SCAF4: variants seen among roughly 807,000 people sequenced by gnomAD.
SCAF4 encodes the protein SR-related and CTD-associated factor 4.
A neutral mutation model predicts 129.8 loss-of-function variants in SCAF4; 25 were observed. The observed-to-expected ratio is 0.19, with a 90% CI of 0.14 to 0.27. The LOEUF is 0.27. Among genes scored for constraint, SCAF4 ranks in the 10% least tolerant of loss-of-function variants. The pLI is 1.00. For missense variants in SCAF4, 1,246 were observed against 1,457.1 expected, an observed-to-expected ratio of 0.86 and a Z score of 2.36; for synonymous variants, 551 against 497.7, an observed-to-expected ratio of 1.11 and a Z score of -1.43.
chr21:31,732,053 CCT>C lies in SCAF4; in HGVS notation c.-363_-362del. 2 of 424,436 alleles carry C rather than the reference CCT, an allele frequency of 4.7e-6. No individual in the cohort carries two copies. The highest frequency in any genetic ancestry group is 3.6e-5 in the East Asian group (1 of 27,918). The allele number at this position is 424,436 out of a possible 1,614,324, so 26.3% of individuals were successfully genotyped here. Reference sequence around the variant, plus strand: ...CTGGCCCGGCCGGCGAGCGGGCGGGCCTCTCTCTCCCTCTCTCCAGCGGGATG... The same window carrying C: ...CTGGCCCGGCCGGCGAGCGGGCGGGCCTCTCTCCCTCTCTCCAGCGGGATG... On this transcript the variant is annotated 5_prime_UTR_variant, in exon 1 of 20. Transcript: ENST00000286835.
At chr21:31,723,881 T>C (rs929985271) in intron 1 of SCAF4, among the ~76,000 whole-genome samples, 2 of 152,118 alleles carry the variant, frequency 1.3e-5, no homozygotes, top group African/African-American at 4.8e-5. Flanking sequence ...CAAGAGGTAT[T>C]TGGATGGCCA....
At chr21:31,713,756 T>TGGGGGGGGGGGGGGG in intron 1 of SCAF4, among the ~76,000 whole-genome samples, 1 of 96,776 alleles carries the variant, frequency 1.0e-5, no homozygotes, top group Non-Finnish European at 2.1e-5. Flanking sequence ...GGGGGTGGGG[T>TGGGGGGGGGGGGGGG]GGGGGGGGCA....
intron 1 of SCAF4, among the ~76,000 whole-genome samples, chr21:31,720,618 C>T: frequency 6.6e-6 from 1 of 152,186 alleles, no homozygotes; most frequent in East Asian, 1.9e-4. Context: ...AGAACTGTTA[C>T]TTTTACACTG....
intron 1 of SCAF4, among the ~76,000 whole-genome samples, chr21:31,714,764 A>C (rs1214108805): frequency 2.6e-5 from 4 of 152,198 alleles, no homozygotes; most frequent in Non-Finnish European, 4.4e-5. Flanking sequence ...GAAAAACAGG[A>C]ATTAATGGGC....
chr21:31,732,085 C>A lies in SCAF4; in HGVS notation c.-393G>T, dbSNP rs2051380856. ...CTCCCTCTCTCCAGCGGGATGGCGGCAGCGGCCCGAGTCCACGCCGCGCGG... is the reference window on the plus strand; with the variant it reads ...CTCCCTCTCTCCAGCGGGATGGCGGAAGCGGCCCGAGTCCACGCCGCGCGG... On this transcript the variant is annotated 5_prime_UTR_variant, in exon 1 of 20. Coordinates refer to ENST00000286835, the MANE Select transcript of SCAF4 (RefSeq NM_020706.2). The A allele has an allele frequency of 2.4e-6, 1 of 410,104 alleles. No homozygotes were observed. Among genetic ancestry groups the A allele is most frequent in the East Asian group, 3.6e-5 (1 of 27,704 alleles). The allele number at this position is 410,104 out of a possible 1,614,324, so 25.4% of individuals were successfully genotyped here.
chr21:31,702,495 T>C, intron 4 of SCAF4, 116 bp from the exon 5 acceptor site: 1 of 928,390 alleles, frequency 1.1e-6, no homozygotes, highest in South Asian at 1.8e-5. Context: ...ACTATGTGTG[T>C]TTCATAAACA....
At chr21:31,728,715 AT>A (rs1367148849) in intron 1 of SCAF4, among the ~76,000 whole-genome samples, 1 of 151,366 alleles carries the variant, frequency 6.6e-6, no homozygotes, top group African/African-American at 2.4e-5. Flanking sequence ...CCCCCTTTCA[AT>A]TTTCCCCCAT....
chr21:31,685,157 C>T lies in SCAF4; in HGVS notation c.2380G>A (p.Gly794Arg). 6.2e-7 allele frequency: 1 copy of T among 1,613,070 alleles called. No individual in the cohort carries two copies. Among genetic ancestry groups the T allele is most frequent in the Non-Finnish European group, 8.5e-7 (1 of 1,179,740 alleles). ...PIPTVVSGAR[G>R]NAESGDSVKM... ...ACGCTGTCACCAGACTCGGCGTTTC[C>T]TCTAGCCCCAGACACCACTGTTGGA... Residue 794 changes from glycine to arginine, a missense_variant, in exon 19 of 20, where the codon GGA (glycine) becomes AGA (arginine). Physicochemically the swap from Gly to Arg is moderately radical, Grantham distance 125 (BLOSUM62 -2). This residue lies in a region of SCAF4 where 468 missense variants were observed against 605.5 expected (regional missense o/e 0.77). Coordinates refer to ENST00000286835, the MANE Select transcript of SCAF4 (RefSeq NM_020706.2).
chr21:31,701,694 C>CTAA, intron 6 of SCAF4, 82 bp downstream of exon 6: 1 of 1,410,638 alleles, frequency 7.1e-7, no homozygotes, highest in South Asian at 1.4e-5. Context: ...TTTCAATGTG[C>CTAA]TTATTAATGA....
intron 1 of SCAF4, among the ~76,000 whole-genome samples, chr21:31,713,166 T>C (rs961173333): frequency 3.9e-5 from 6 of 152,226 alleles, no homozygotes; most frequent in African/African-American, 1.4e-4. Context: ...AAAGAGTTAA[T>C]TGTCATGGTC....
intron 2 of SCAF4, among the ~76,000 whole-genome samples, chr21:31,705,940 C>T (rs2050649635): frequency 6.6e-6 from 1 of 152,190 alleles, no homozygotes; most frequent in Admixed American, 6.5e-5. Context: ...CGTGGTGGCG[C>T]ACACCTGTAA....
rs778000180 is a variant in SCAF4 at position 31,696,763 on chromosome 21, T to C, written c.778-13A>G. ...TATCAAGCAACTTCTGGAATAATTA[T>C]GTCAATATTTCATTTTAAAATTTAG... On this transcript the variant is annotated splice_polypyrimidine_tract_variant and intron_variant, in intron 7 of 19. Coordinates refer to ENST00000286835, the MANE Select transcript of SCAF4 (RefSeq NM_020706.2). The C allele has an allele frequency of 3.1e-6, 5 of 1,589,340 alleles. No individual in the cohort carries two copies. Among genetic ancestry groups the C allele is most frequent in the African/African-American group, 1.4e-5 (1 of 74,054 alleles).
intron 1 of SCAF4, among the ~76,000 whole-genome samples, chr21:31,730,783 T>A (rs1312564645): frequency 6.6e-6 from 1 of 152,228 alleles, no homozygotes; most frequent in Admixed American, 6.5e-5. Flanking sequence ...ACACCTGGAA[T>A]GATCAGAGAA....
At chr21:31,697,489 A>G (rs564641549) in intron 7 of SCAF4, among the ~76,000 whole-genome samples, 2 of 152,348 alleles carry the variant, frequency 1.3e-5, no homozygotes, top group Admixed American at 1.3e-4. Context: ...TTTACAGACA[A>G]GGAAACAAAG....
chr21:31,675,145 T>G (rs2049819841), intron 19 of SCAF4, among the ~76,000 whole-genome samples: 1 of 152,124 alleles, frequency 6.6e-6, no homozygotes. Flanking sequence ...TAAAATGACT[T>G]GATGAAAACT....
chr21:31,682,814 T>C (rs1051792524), intron 19 of SCAF4, among the ~76,000 whole-genome samples: 1 of 152,224 alleles, frequency 6.6e-6, no homozygotes, highest in Non-Finnish European at 1.5e-5. Flanking sequence ...TACTGATCCT[T>C]TAGTACTGCA....
At chr21:31,685,951 C>T (rs1489517162) in intron 16 of SCAF4, among the ~76,000 whole-genome samples, 3 of 151,912 alleles carry the variant, frequency 2.0e-5, no homozygotes, top group Non-Finnish European at 2.9e-5. Context: ...ACCTGTAATC[C>T]CAGCATTTTG....
At chr21:31,676,832 G>A (rs1472133100) in intron 19 of SCAF4, among the ~76,000 whole-genome samples, 1 of 151,948 alleles carries the variant, frequency 6.6e-6, no homozygotes, top group Non-Finnish European at 1.5e-5. Context: ...TCCTGCATCC[G>A]TGGGCCATCT....
chr21:31,698,182 G>A (rs1412062287), intron 7 of SCAF4, among the ~76,000 whole-genome samples: 1 of 151,890 alleles, frequency 6.6e-6, no homozygotes, highest in Non-Finnish European at 1.5e-5. Context: ...ATTAAAATGG[G>A]GTCTACCCAA....
Sources: allele counts gnomAD v4.1 joint callset (sites outside exome capture counted in the v4.1 genomes callset), GRCh38; gene constraint gnomAD v4.1.1; regional missense constraint gnomAD v4.1.1; transcripts MANE v1.5; gene names NCBI Gene and HGNC (gene_info 2026-07-23, HGNC 2026-07-21).